GRXCR1: variants seen among roughly 807,000 people sequenced by gnomAD.
GRXCR1 encodes the protein glutaredoxin domain-containing cysteine-rich protein 1.
Under a neutral mutation model 27.3 loss-of-function variants are expected in GRXCR1, and 27 were observed. That is an observed-to-expected ratio of 0.99 (90% CI 0.73 to 1.37). The LOEUF is 1.37. GRXCR1 is among the 40% of genes most tolerant of loss of function. The pLI, the probability that GRXCR1 is intolerant of heterozygous loss-of-function variation, is 0.00. For synonymous variants in GRXCR1, 122 were observed against 131.1 expected, an observed-to-expected ratio of 0.93 and a Z score of 0.47; for missense variants, 379 against 354.4, an observed-to-expected ratio of 1.07 and a Z score of -0.56.
rs186631271 is a variant in GRXCR1, at chr4:42,934,522, A to T, written c.385-28370A>T. Among the ~76,000 whole-genome samples the T allele has an allele frequency of 5.0e-3, 766 of 151,950 alleles. 7 individuals are homozygous for T. The highest frequency in any genetic ancestry group is 6.4e-3 in the Non-Finnish European group (438 of 67,914). On this transcript the variant is annotated intron_variant, in intron 1 of 3. Transcript: ENST00000399770. ...ATTATATGAAAGAACTTCCTATAGA[A>T]AGGATTTTAGGTCACACATAAAGGA...
At chr4:42,972,690 A>G (rs892599244) in intron 2 of GRXCR1, among the ~76,000 whole-genome samples, 1 of 152,190 alleles carries the variant, frequency 6.6e-6, no homozygotes, top group Non-Finnish European at 1.5e-5. Flanking sequence ...CCCAAATTTT[A>G]TACTTGAAGT....
chr4:42,988,763 G>A (rs986108632), intron 2 of GRXCR1, among the ~76,000 whole-genome samples: 17 of 152,184 alleles, frequency 1.1e-4, no homozygotes, highest in African/African-American at 3.6e-4. Context: ...CCACAAACTT[G>A]TACTGCGACT....
intron 2 of GRXCR1, among the ~76,000 whole-genome samples, chr4:43,010,804 AGT>A (rs879465839): frequency 1.3e-5 from 2 of 152,252 alleles, no homozygotes; most frequent in Non-Finnish European, 2.9e-5. Flanking sequence ...AAATTAGACT[AGT>A]ATTACTTCCA....
chr4:43,015,079 T>C (rs578077885), intron 2 of GRXCR1, among the ~76,000 whole-genome samples: 2 of 151,874 alleles, frequency 1.3e-5, no homozygotes, highest in Non-Finnish European at 2.9e-5. Context: ...ATAGAAGAAA[T>C]ATCAGGAAAA....
chr4:42,893,659 T>A lies in GRXCR1; in HGVS notation c.384+9T>A. On this transcript the variant is annotated intron_variant, in intron 1 of 3. Coordinates refer to ENST00000399770, the MANE Select transcript of GRXCR1 (RefSeq NM_001080476.3). ...TGACCAAAGTATTACAGGTAAGTCATTGCTGTTTCCTTCTCCTGCTCTTTG... is the reference window on the plus strand; with the variant it reads ...TGACCAAAGTATTACAGGTAAGTCAATGCTGTTTCCTTCTCCTGCTCTTTG... 1 of 1,611,826 alleles carries A rather than the reference T, an allele frequency of 6.2e-7. No individual in the cohort carries two copies. The highest frequency in any genetic ancestry group is 8.5e-7 in the Non-Finnish European group (1 of 1,179,306).
chr4:42,983,149 G>A (rs1196935053), intron 2 of GRXCR1, among the ~76,000 whole-genome samples: 1 of 150,808 alleles, frequency 6.6e-6, no homozygotes, highest in African/African-American at 2.4e-5. Flanking sequence ...GTCCTGAATG[G>A]TAATGCCTAG....
chr4:42,996,835 TTAA>T (rs1306414545), intron 2 of GRXCR1, among the ~76,000 whole-genome samples: 1 of 151,906 alleles, frequency 6.6e-6, no homozygotes, highest in African/African-American at 2.4e-5. Flanking sequence ...ATATTTTATA[TTAA>T]TAAAAGACAC....
At chr4:42,918,937 A>T (rs1015767952) in intron 1 of GRXCR1, among the ~76,000 whole-genome samples, 2 of 152,156 alleles carry the variant, frequency 1.3e-5, no homozygotes, top group African/African-American at 4.8e-5. Flanking sequence ...TCATGTATCA[A>T]AAGAGAGATG....
intron 3 of GRXCR1, 89 bp downstream of exon 3, chr4:43,020,508 TCCC>T (rs1365032568): frequency 1.9e-5 from 16 of 835,800 alleles, no homozygotes; most frequent in Non-Finnish European, 3.3e-5. Context: ...GAATTCTCTC[TCCC>T]CATGTTCTTA....
At chr4:43,030,291 G>A (rs761749543) in intron 3 of GRXCR1, 70 bp from the exon 4 acceptor site, 258 of 1,405,462 alleles carry the variant, frequency 1.8e-4, no homozygotes, top group Non-Finnish European at 2.3e-4. Flanking sequence ...CAGAAAGACC[G>A]GGAGGCTGAT....
intron 2 of GRXCR1, among the ~76,000 whole-genome samples, chr4:43,008,179 A>G (rs1028705224): frequency 1.3e-5 from 2 of 152,038 alleles, no homozygotes; most frequent in Middle Eastern, 3.2e-3. Context: ...AGTATTTAGT[A>G]TGTTAATTTT....
chr4:42,949,280 G>A (rs1490231528), intron 1 of GRXCR1, among the ~76,000 whole-genome samples: 3 of 138,606 alleles, frequency 2.2e-5, no homozygotes, highest in Admixed American at 8.2e-5. Context: ...CAGGAGAATC[G>A]CTTGAACCTG....
intron 1 of GRXCR1, among the ~76,000 whole-genome samples, chr4:42,915,189 G>A (rs560523610): frequency 2.1e-4 from 32 of 152,198 alleles, no homozygotes; most frequent in African/African-American, 7.0e-4. Context: ...TAAACCTGCG[G>A]TAAACCTTGC....
intron 2 of GRXCR1, among the ~76,000 whole-genome samples, chr4:42,968,584 T>G (rs1748304909): frequency 6.6e-6 from 1 of 152,206 alleles, no homozygotes; most frequent in South Asian, 2.1e-4. Context: ...TATGATACAA[T>G]CTAGGACCAC....
At chr4:43,008,467 G>C (rs1712634653) in intron 2 of GRXCR1, among the ~76,000 whole-genome samples, 2 of 152,164 alleles carry the variant, frequency 1.3e-5, no homozygotes, top group South Asian at 4.1e-4. Context: ...TGTCTATGAG[G>C]CACAAGATCT....
intron 1 of GRXCR1, among the ~76,000 whole-genome samples, chr4:42,960,388 GTT>G (rs1748104865): frequency 6.6e-6 from 1 of 151,912 alleles, no homozygotes; most frequent in Non-Finnish European, 1.5e-5. Context: ...TCTGCAGTGA[GTT>G]TCTGTGCCTT....
chr4:42,899,953 T>C (rs1202187709), intron 1 of GRXCR1, among the ~76,000 whole-genome samples: 2 of 152,134 alleles, frequency 1.3e-5, no homozygotes, highest in African/African-American at 4.8e-5. Flanking sequence ...AACTGCTTAA[T>C]GAATGCTTAT....
intron 3 of GRXCR1, among the ~76,000 whole-genome samples, chr4:43,027,536 T>C (rs916220433): frequency 2.0e-5 from 3 of 152,174 alleles, no homozygotes; most frequent in Non-Finnish European, 4.4e-5. Flanking sequence ...TTGTGTTGAG[T>C]TACTATTTTG....
At chr4:42,987,229 T>TA (rs1362997341) in intron 2 of GRXCR1, among the ~76,000 whole-genome samples, 132 of 92,218 alleles carry the variant, frequency 1.4e-3, no homozygotes, top group African/African-American at 5.4e-3. Flanking sequence ...ATATTATATA[T>TA]TATATATATA....
Sources: gnomAD v4.1 joint callset for allele counts (sites outside exome capture counted in the v4.1 genomes callset) on GRCh38, gnomAD v4.1.1 for gene constraint, MANE v1.5 for transcripts, NCBI Gene and HGNC (gene_info 2026-07-23, HGNC 2026-07-21) for gene names.